UQCC1: variants seen among roughly 807,000 people sequenced by gnomAD.
UQCC1 encodes ubiquinol-cytochrome c reductase complex assembly factor 1.
Under a neutral mutation model 48.0 loss-of-function variants are expected in UQCC1, and 38 were observed. That is an observed-to-expected ratio of 0.79 (90% confidence interval 0.61 to 1.04). The LOEUF is 1.04. Ranked by LOEUF, UQCC1 falls within the 50% of genes least tolerant of loss-of-function variation. UQCC1 has a pLI of 0.00. For missense variants in UQCC1, 368 were observed against 381.8 expected (o/e 0.96, Z 0.30); for synonymous variants, 111 against 129.2 (o/e 0.86, Z 0.95).
chr20:35,320,470 C>T (rs2061111299), intron 7 of UQCC1, among the ~76,000 whole-genome samples: 2 of 152,060 alleles, frequency 1.3e-5, no homozygotes, highest in Admixed American at 6.5e-5. Flanking sequence ...TTGGAATAGA[C>T]ACTGGAAGGA....
At chr20:35,321,624 G>A (rs2061131208) in intron 7 of UQCC1, among the ~76,000 whole-genome samples, 1 of 152,158 alleles carries the variant, frequency 6.6e-6, no homozygotes, top group Non-Finnish European at 1.5e-5. Context: ...TGAGGCCAAG[G>A]CAGGTGGATC....
intron 7 of UQCC1, among the ~76,000 whole-genome samples, chr20:35,340,512 T>C (rs941955054): frequency 2.6e-5 from 4 of 152,130 alleles, no homozygotes; most frequent in African/African-American, 9.7e-5. Flanking sequence ...ACACTCACAC[T>C]TTTTTCCCCC....
At chr20:35,353,410 A>AG (rs1390152034) in intron 6 of UQCC1, among the ~76,000 whole-genome samples, 1 of 151,904 alleles carries the variant, frequency 6.6e-6, no homozygotes, top group African/African-American at 2.4e-5. Flanking sequence ...AAAAAAAAAA[A>AG]ATTTAAATTA....
chr20:35,390,209 G>C (rs1364175322), intron 2 of UQCC1, among the ~76,000 whole-genome samples: 1 of 152,068 alleles, frequency 6.6e-6, no homozygotes, highest in Non-Finnish European at 1.5e-5. Flanking sequence ...CAGATCACTC[G>C]AGGTCAGGAG....
At chr20:35,374,391 C>T in intron 4 of UQCC1, 135 bp from the exon 5 acceptor site, 1 of 529,020 alleles carries the variant, frequency 1.9e-6, no homozygotes, top group Non-Finnish European at 3.2e-6. Context: ...TAATTTAAAC[C>T]AATATAAATT....
intron 6 of UQCC1, among the ~76,000 whole-genome samples, chr20:35,351,722 T>A (rs192684846): frequency 5.3e-5 from 8 of 152,336 alleles, no homozygotes; most frequent in Non-Finnish European, 7.4e-5. Flanking sequence ...ACAGATTTTC[T>A]CAGACCATAA....
At chr20:35,339,010 C>G (rs1328891082) in intron 7 of UQCC1, among the ~76,000 whole-genome samples, 1 of 148,406 alleles carries the variant, frequency 6.7e-6, no homozygotes, top group Non-Finnish European at 1.5e-5. Flanking sequence ...CAAGGTTCAT[C>G]CATCCTATAA....
In UQCC1 at chr20:35,306,661, C is replaced by T. The variant is rs778036498; in HGVS notation, c.765+5G>A. The T allele has an allele frequency of 1.1e-5, 18 of 1,611,950 alleles. No homozygotes were observed. The highest frequency in any genetic ancestry group is 6.6e-5 in the South Asian group (6 of 91,064). On this transcript the variant is annotated splice_donor_5th_base_variant and intron_variant, in intron 9 of 9. Transcript: ENST00000374385. The stretch of plus-strand genomic sequence containing the variant: ...ACTTGGGAGGGGAGGGAAAGGGTCA[C>T]TCACCTGTTTCCTCACATACTCTAC...
intron 1 of UQCC1, among the ~76,000 whole-genome samples, chr20:35,398,279 A>G (rs762410330): frequency 8.5e-5 from 13 of 152,224 alleles, no homozygotes; most frequent in Non-Finnish European, 1.6e-4. Context: ...GAAGCTACAT[A>G]TTAGATAATC....
At chr20:35,395,996 T>TTC (rs1246824181) in intron 1 of UQCC1, among the ~76,000 whole-genome samples, 1 of 147,286 alleles carries the variant, frequency 6.8e-6, no homozygotes, top group Non-Finnish European at 1.5e-5. Flanking sequence ...TTTTTTTTTT[T>TTC]TTTTTTGAGG....
intron 1 of UQCC1, among the ~76,000 whole-genome samples, chr20:35,407,198 T>A (rs181840525): frequency 6.6e-6 from 1 of 152,166 alleles, no homozygotes; most frequent in Non-Finnish European, 1.5e-5. Flanking sequence ...GAGGCTGAGG[T>A]GGGCGGATCA....
At chr20:35,393,195 G>T (rs2062032559) in intron 2 of UQCC1, among the ~76,000 whole-genome samples, 1 of 151,940 alleles carries the variant, frequency 6.6e-6, no homozygotes, top group African/African-American at 2.4e-5. Context: ...CTGACCCAAG[G>T]TATGCCTTCC....
In UQCC1 at chr20:35,397,340, C is replaced by T. The variant is rs1014126934; in HGVS notation, c.25-3144G>A. ...ACCATCGTGGCTAACACAGTGAAAC[C>T]CCTTCTCTACTAAAAATACAAAAAA... On this transcript the variant is annotated intron_variant, in intron 1 of 9. Transcript: ENST00000374385. Among the ~76,000 whole-genome samples the T allele has an allele frequency of 3.2e-4, 48 of 151,408 alleles. 1 individual carries two copies. The highest frequency in any genetic ancestry group is 7.4e-5 in the Non-Finnish European group (5 of 67,886).
chr20:35,355,079 A>G (rs1197644127), intron 6 of UQCC1, among the ~76,000 whole-genome samples: 1 of 152,176 alleles, frequency 6.6e-6, no homozygotes, highest in Non-Finnish European at 1.5e-5. Flanking sequence ...CATCTTTGGG[A>G]TGTGGAAGGA....
chr20:35,405,376 C>A lies in UQCC1; in HGVS notation c.24+6564G>T, dbSNP rs187955611. 6.8e-3 allele frequency among the ~76,000 whole-genome samples: 1,036 copies of A among 152,222 alleles called. 15 individuals are homozygous for A. The highest frequency in any genetic ancestry group is 0.024 in the African/African-American group (991 of 41,540). On this transcript the variant is annotated intron_variant, in intron 1 of 9. Coordinates refer to ENST00000374385, the MANE Select transcript of UQCC1 (RefSeq NM_018244.5). ...CAACAGCAAACCCTGGGAAGGGAAACAATCTGATTTCCGGAGTGGCCACAT... is the reference window on the plus strand; with the variant it reads ...CAACAGCAAACCCTGGGAAGGGAAAAAATCTGATTTCCGGAGTGGCCACAT...
chr20:35,314,809 G>A (rs1568650291), intron 7 of UQCC1, 44 bp from the exon 8 acceptor site: 2 of 1,510,376 alleles, frequency 1.3e-6, no homozygotes, highest in Non-Finnish European at 9.1e-7. Context: ...AAGAAAGAAA[G>A]AAAAAAACCC....
intron 7 of UQCC1, chr20:35,315,552 G>T (rs11905542): frequency 0.084 from 12,786 of 152,206 alleles, 697 homozygotes; most frequent in South Asian, 0.21. Flanking sequence ...AAGGAGGGAA[G>T]AACAAAGCAG....
At chr20:35,368,918 A>G (rs376577327) in intron 5 of UQCC1, among the ~76,000 whole-genome samples, 42 of 152,342 alleles carry the variant, frequency 2.8e-4, no homozygotes, top group African/African-American at 9.9e-4. Flanking sequence ...CACCTAGACA[A>G]GAATAGCCCT....
At chr20:35,380,184 A>G (rs1037589875) in intron 4 of UQCC1, among the ~76,000 whole-genome samples, 4 of 152,240 alleles carry the variant, frequency 2.6e-5, no homozygotes, top group African/African-American at 9.6e-5. Context: ...GTAAATCCAA[A>G]TGCCATAAGC....
Sources: allele counts gnomAD v4.1 joint callset (sites outside exome capture counted in the v4.1 genomes callset), GRCh38; gene constraint gnomAD v4.1.1; transcripts MANE v1.5; gene names NCBI Gene and HGNC (gene_info 2026-07-23, HGNC 2026-07-21).